The following RTN1 variants were observed in gnomAD, a reference collection of about 807,000 sequenced individuals.
RTN1 encodes the protein reticulon-1.
A neutral mutation model predicts 65.5 loss-of-function variants in RTN1; 25 were observed. The ratio of observed to expected loss-of-function variants is 0.38; its 90% CI spans 0.28 to 0.53. The LOEUF (loss-of-function observed/expected upper bound fraction) is 0.53, where lower values mean the gene tolerates loss of function less well. Ranked by LOEUF, RTN1 falls within the 20% of genes least tolerant of loss-of-function variation. The pLI, the probability that RTN1 is intolerant of heterozygous loss-of-function variation, is 0.79. For synonymous variants in RTN1, 471 were observed against 447.6 expected (o/e 1.05, Z -0.66); for missense variants, 983 against 1,025.4 (o/e 0.96, Z 0.57).
intron 3 of RTN1, chr14:59,646,819 G>A (rs565686755): frequency 3.4e-4 from 52 of 152,400 alleles, no homozygotes; most frequent in African/African-American, 1.2e-3. Flanking sequence ...ACCATTACCA[G>A]CCAATTAAAA....
intron 1 of RTN1, among the ~76,000 whole-genome samples, chr14:59,843,858 C>T (rs1302213400): frequency 2.0e-5 from 3 of 152,084 alleles, no homozygotes; most frequent in Non-Finnish European, 4.4e-5. Flanking sequence ...TAGTAAGCAA[C>T]AATTGTAGCA....
chr14:59,837,534 T>C (rs767381187), intron 1 of RTN1, among the ~76,000 whole-genome samples: 4 of 151,972 alleles, frequency 2.6e-5, no homozygotes, highest in East Asian at 1.9e-4. Context: ...CATAAATGTA[T>C]ATAACAAAAA....
At chr14:59,669,814 T>C (rs8005453) in intron 3 of RTN1, among the ~76,000 whole-genome samples, 61,327 of 151,738 alleles carry the variant, frequency 0.4, 12,973 homozygotes, top group African/African-American at 0.51. Flanking sequence ...GGATTTTCTG[T>C]CACTTGCAGC....
intron 3 of RTN1, among the ~76,000 whole-genome samples, chr14:59,651,689 G>C (rs1016322766): frequency 1.3e-5 from 2 of 152,038 alleles, no homozygotes; most frequent in African/African-American, 2.4e-5. Flanking sequence ...AGTGAGCCGA[G>C]ATTGCACCAC....
intron 5 of RTN1, chr14:59,604,773 A>G (rs1881690721): frequency 6.6e-6 from 1 of 152,264 alleles, no homozygotes; most frequent in Non-Finnish European, 1.5e-5. Flanking sequence ...ATCACGATTG[A>G]CTAACTTTGA....
At chr14:59,777,100 T>C (rs1310110945) in intron 1 of RTN1, among the ~76,000 whole-genome samples, 1 of 152,130 alleles carries the variant, frequency 6.6e-6, no homozygotes, top group African/African-American at 2.4e-5. Flanking sequence ...CCTTCAGGCA[T>C]GGAAATCTCA....
chr14:59,708,467 A>G (rs558500451), intron 3 of RTN1, among the ~76,000 whole-genome samples: 67 of 152,372 alleles, frequency 4.4e-4, no homozygotes, highest in Non-Finnish European at 7.3e-4. Context: ...AGCGTGGCTC[A>G]TCATTTTCTC....
At chr14:59,747,206 C>A (rs1885246123) in intron 1 of RTN1, among the ~76,000 whole-genome samples, 1 of 152,236 alleles carries the variant, frequency 6.6e-6, no homozygotes, top group Admixed American at 6.5e-5. Context: ...GCAATTCCTT[C>A]ATTCCACTGG....
At chr14:59,657,352 T>C (rs1252197608) in intron 3 of RTN1, among the ~76,000 whole-genome samples, 1 of 152,174 alleles carries the variant, frequency 6.6e-6, no homozygotes, top group Non-Finnish European at 1.5e-5. Context: ...GAGGTTGCAG[T>C]GAGCCGAGAC....
rs1566737477 is a variant in RTN1, at chr14:59,819,414, AC to A, written c.241+50975del. Among the ~76,000 whole-genome samples, 18 of 31,856 alleles carry A rather than the reference AC, an allele frequency of 5.7e-4. 1 individual carries two copies. In the South Asian group the frequency reaches 7.0e-3, roughly 12 times the overall value. The allele number at this position is 31,856 out of a possible 152,430, so 20.9% of individuals were successfully genotyped here. A position where few individuals can be genotyped will look rare whatever the true frequency, so the allele number is the denominator to read the frequency against. Reference sequence around the variant, plus strand: ...TGATTGGTGCATCCACACCACCACCACCCCCCCCCCACCCCCCACCCCCCCC... The same window carrying A: ...TGATTGGTGCATCCACACCACCACCACCCCCCCCCACCCCCCACCCCCCCC... On this transcript the variant is annotated intron_variant, in intron 1 of 8. Transcript: ENST00000267484.
chr14:59,602,293 G>T (rs990139449), intron 8 of RTN1, among the ~76,000 whole-genome samples: 1 of 151,930 alleles, frequency 6.6e-6, no homozygotes, highest in African/African-American at 2.4e-5. Flanking sequence ...CTAGTCCTTT[G>T]GTGAAATATA....
At chr14:59,832,712 A>C (rs1405798192) in intron 1 of RTN1, among the ~76,000 whole-genome samples, 2 of 152,194 alleles carry the variant, frequency 1.3e-5, no homozygotes, top group Admixed American at 1.3e-4. Flanking sequence ...TGCTTTTCCC[A>C]TTTACATTAA....
chr14:59,626,108 T>C (rs1267042800), intron 3 of RTN1, among the ~76,000 whole-genome samples: 1 of 152,216 alleles, frequency 6.6e-6, no homozygotes, highest in Non-Finnish European at 1.5e-5. Context: ...CCTTTATGTA[T>C]ATGTGTAAAA....
chr14:59,678,486 C>A (rs1883675996), intron 3 of RTN1, among the ~76,000 whole-genome samples: 1 of 152,166 alleles, frequency 6.6e-6, no homozygotes, highest in African/African-American at 2.4e-5. Context: ...GACTCAGGGG[C>A]CAGCGCACTC....
At chr14:59,831,785 G>A (rs1887128762) in intron 1 of RTN1, among the ~76,000 whole-genome samples, 1 of 150,842 alleles carries the variant, frequency 6.6e-6, no homozygotes, top group African/African-American at 2.4e-5. Context: ...CATCCTATTG[G>A]TTCTGTCTCT....
At chr14:59,694,895 A>G (rs1884031564) in intron 3 of RTN1, among the ~76,000 whole-genome samples, 1 of 152,166 alleles carries the variant, frequency 6.6e-6, no homozygotes, top group Admixed American at 6.5e-5. Context: ...AAACTGGGAA[A>G]CCCTTCAAGA....
At chr14:59,698,557 G>C (rs1021287333) in intron 3 of RTN1, among the ~76,000 whole-genome samples, 54 of 152,254 alleles carry the variant, frequency 3.5e-4, no homozygotes, top group African/African-American at 1.3e-3. Context: ...AGTCTCATGA[G>C]ATCTGTTGGT....
At chr14:59,601,760 A>G (rs1177152824) in intron 8 of RTN1, among the ~76,000 whole-genome samples, 2 of 152,194 alleles carry the variant, frequency 1.3e-5, no homozygotes, top group East Asian at 1.9e-4. Flanking sequence ...TAAAATATAC[A>G]TTCCAGGTTA....
chr14:59,776,876 A>T (rs17096614), intron 1 of RTN1, among the ~76,000 whole-genome samples: 55,960 of 152,058 alleles, frequency 0.37, 10,463 homozygotes, highest in Middle Eastern at 0.45. Context: ...TTTCAATCTG[A>T]CTGGATTGGC....
Sources: gnomAD v4.1 joint callset for allele counts (sites outside exome capture counted in the v4.1 genomes callset) on GRCh38, gnomAD v4.1.1 for gene constraint, MANE v1.5 for transcripts, NCBI Gene and HGNC (gene_info 2026-07-23, HGNC 2026-07-21) for gene names.